Variants in STX3 observed in about 807,000 individuals in gnomAD.
The protein encoded by STX3 is syntaxin-3.
STX3 carries 19 observed loss-of-function variants against 40.2 expected under a neutral mutation model. The observed-to-expected ratio is 0.47, with a 90% CI of 0.33 to 0.69. The LOEUF (loss-of-function observed/expected upper bound fraction) is 0.69. Among genes scored for constraint, STX3 ranks in the 30% least tolerant of loss-of-function variants. The probability of loss-of-function intolerance (pLI) is 0.02; values close to 1 mark genes in which losing one functional copy is unlikely to be tolerated. For synonymous variants in STX3, 122 were observed against 132.2 expected, an observed-to-expected ratio of 0.92 and a Z score of 0.53; for missense variants, 364 against 366.7, an observed-to-expected ratio of 0.99 and a Z score of 0.06.
intron 10 of STX3, among the ~76,000 whole-genome samples, chr11:59,798,389 G>A (rs1465655881): frequency 1.3e-5 from 2 of 151,918 alleles, no homozygotes; most frequent in Non-Finnish European, 2.9e-5. Context: ...TGTATTATTA[G>A]TAGAGATGGG....
chr11:59,773,614 T>C (rs1590774149), intron 2 of STX3, among the ~76,000 whole-genome samples: 1 of 152,324 alleles, frequency 6.6e-6, no homozygotes, highest in South Asian at 2.1e-4. Context: ...GAATCAACCA[T>C]AGGATCACAA....
At chr11:59,789,286 TCC>T in intron 4 of STX3, 1 of 229,582 alleles carries the variant, frequency 4.4e-6, no homozygotes, top group Non-Finnish European at 8.7e-6. Context: ...TCTCACTCTG[TCC>T]CCCAGGCTGG....
intron 2 of STX3, among the ~76,000 whole-genome samples, chr11:59,780,163 T>G (rs1048004809): frequency 3.3e-5 from 5 of 151,956 alleles, no homozygotes; most frequent in African/African-American, 1.2e-4. Context: ...CTAAGGAGAG[T>G]GTTATGGACT....
In STX3 at chr11:59,793,448, G is replaced by T; in HGVS notation, c.609G>T (p.Arg203Ser). 2 of 1,614,202 alleles carry T rather than the reference G, an allele frequency of 1.2e-6. No homozygotes were observed. The highest frequency in any genetic ancestry group is 1.7e-6 in the Non-Finnish European group (2 of 1,180,034). ...EIEGRHKDIV[R>S]LESSIKELHD... ...AGGGACGACACAAGGACATTGTGAG[G>T]CTGGAGAGCAGCATCAAGGAGCTTC... Residue 203 changes from arginine to serine, a missense_variant, in exon 8 of 11, where the codon AGG becomes AGT. Coordinates refer to ENST00000337979, the MANE Select transcript of STX3 (RefSeq NM_004177.5).
chr11:59,795,580 C>T, intron 9 of STX3, 98 bp downstream of exon 9: 1 of 1,545,412 alleles, frequency 6.5e-7, no homozygotes, highest in Non-Finnish European at 8.7e-7. Flanking sequence ...CTGCTGCCAC[C>T]ACCTCTTGCA....
chr11:59,796,435 T>C (rs1865521935), intron 9 of STX3, among the ~76,000 whole-genome samples: 1 of 152,232 alleles, frequency 6.6e-6, no homozygotes, highest in Admixed American at 6.5e-5. Flanking sequence ...CTGATATTGT[T>C]GTTGTTTAGT....
rs760328298 is a variant in STX3, at chr11:59,799,899, C to G, written c.*31-956C>G. On this transcript the variant is annotated intron_variant, in intron 10 of 10. Coordinates refer to ENST00000337979, the MANE Select transcript of STX3 (RefSeq NM_004177.5). ...GTGAACTTTAAATTTTGGTTTGGCT[C>G]TGAACAATCTGATTGAAATAGATGT... The G allele has an allele frequency of 2.1e-4, 211 of 985,162 alleles. 1 individual carries two copies. Among genetic ancestry groups the G allele is most frequent in the Non-Finnish European group, 1.5e-4 (128 of 829,892 alleles). 61.0% of individuals were successfully genotyped at this position (985,162 alleles called of 1,614,324 possible). A position where few individuals can be genotyped will look rare whatever the true frequency, so the allele number is the denominator to read the frequency against.
At chr11:59,787,468 C>T (rs530545854) in intron 3 of STX3, among the ~76,000 whole-genome samples, 5 of 152,274 alleles carry the variant, frequency 3.3e-5, no homozygotes, top group African/African-American at 1.2e-4. Context: ...TACTATTTCC[C>T]CAGCCTGAAC....
chr11:59,793,608 G>C, intron 8 of STX3, 94 bp downstream of exon 8: 1 of 1,481,900 alleles, frequency 6.7e-7, no homozygotes, highest in Non-Finnish European at 9.0e-7. Context: ...AAGCCAGTGA[G>C]GTAGGGTGGG....
rs1199840915 is a variant in STX3, at chr11:59,803,228, T to C, written c.*2404T>C. ...TGTCTGGATGAGCAGAAGAAGATCATGATCATGATCTGCTGTATTATCCTT... is the reference window on the plus strand; with the variant it reads ...TGTCTGGATGAGCAGAAGAAGATCACGATCATGATCTGCTGTATTATCCTT... On this transcript the variant is annotated 3_prime_UTR_variant, in exon 11 of 11. Coordinates refer to ENST00000337979, the MANE Select transcript of STX3 (RefSeq NM_004177.5). 2.4e-6 allele frequency: 3 copies of C among 1,231,602 alleles called. No individual in the cohort carries two copies. Among genetic ancestry groups the C allele is most frequent in the African/African-American group, 3.1e-5 (2 of 64,412 alleles). The allele number at this position is 1,231,602 out of a possible 1,614,324, so 76.3% of individuals were successfully genotyped here. A position where few individuals can be genotyped will look rare whatever the true frequency, so the allele number is the denominator to read the frequency against.
At position 59,793,123 on chromosome 11, in the gene STX3, A is replaced by C. The variant is rs941202578; in HGVS notation, c.491A>C (p.Glu164Ala). The C allele has an allele frequency of 9.3e-6, 15 of 1,613,500 alleles. No homozygotes were observed. The African/African-American group carries it at 1.5e-4, about 16-fold the overall frequency. Residue 164 changes from glutamate (E) to alanine (A), a missense_variant, in exon 7 of 11, where the codon GAG (glutamate) becomes GCG (alanine). Transcript: ENST00000337979. ...EITGKKTTDE[E>A]LEEMLESGNP... Reference sequence around the variant, plus strand: ...GCTGGCAAAAAGACAACCGATGAGGAGCTGGAGGAGATGTTGGAGAGTGGC... The same window carrying C: ...GCTGGCAAAAAGACAACCGATGAGGCGCTGGAGGAGATGTTGGAGAGTGGC...
intron 10 of STX3, 88 bp downstream of exon 10, chr11:59,797,484 C>G: frequency 2.1e-6 from 2 of 966,548 alleles, no homozygotes; most frequent in Non-Finnish European, 3.2e-6. Flanking sequence ...TTCTTTCCCC[C>G]TATGATTGTC....
chr11:59,768,044 C>T (rs189932375), intron 1 of STX3, among the ~76,000 whole-genome samples: 3 of 152,310 alleles, frequency 2.0e-5, no homozygotes, highest in South Asian at 2.1e-4. Flanking sequence ...GTGTGCTCTA[C>T]ATTGCATAGG....
chr11:59,755,519 C>T lies in STX3; in HGVS notation c.-87C>T, dbSNP rs1862658110. 1 of 1,450,744 alleles carries T rather than the reference C, an allele frequency of 6.9e-7. No homozygotes were observed. Among genetic ancestry groups the T allele is most frequent in the Non-Finnish European group, 9.0e-7 (1 of 1,109,248 alleles). 89.9% of individuals were successfully genotyped at this position (1,450,744 alleles called of 1,614,324 possible). On this transcript the variant is annotated 5_prime_UTR_variant, in exon 1 of 11. Coordinates refer to ENST00000337979, the MANE Select transcript of STX3 (RefSeq NM_004177.5). ...CCTTCGCCCCGGCGGGCCCGGCCGC[C>T]GCTTCCGGCAGCTCACCTGGGAAGC...
At chr11:59,784,612 A>G (rs1864633320) in intron 2 of STX3, among the ~76,000 whole-genome samples, 2 of 152,230 alleles carry the variant, frequency 1.3e-5, no homozygotes, top group Admixed American at 1.3e-4. Flanking sequence ...GGCAGAGGTC[A>G]AGGAGGAGCA....
intron 8 of STX3, among the ~76,000 whole-genome samples, chr11:59,794,247 C>A (rs76607643): frequency 6.6e-6 from 1 of 152,164 alleles, no homozygotes; most frequent in Non-Finnish European, 1.5e-5. Flanking sequence ...CATGCTTGCT[C>A]GGGATAGAAT....
At chr11:59,760,429 TTTG>T (rs1276891228) in intron 1 of STX3, among the ~76,000 whole-genome samples, 1 of 151,854 alleles carries the variant, frequency 6.6e-6, no homozygotes, top group African/African-American at 2.4e-5. Flanking sequence ...TTTTTGTTTG[TTTG>T]TTTTGTTTTT....
chr11:59,798,577 T>C (rs1865673488), intron 10 of STX3, among the ~76,000 whole-genome samples: 1 of 151,778 alleles, frequency 6.6e-6, no homozygotes, highest in African/African-American at 2.4e-5. Context: ...TGGAGTGCAG[T>C]GGCGCGATCT....
rs750358696 is a variant in STX3 at position 59,805,189 on chromosome 11, A to AAAAAAAAAAAAACAAAC, written c.*4368_*4369insAAAAAAAAACAAACAAA. 1 of 149,510 alleles carries AAAAAAAAAAAAACAAAC rather than the reference A, an allele frequency of 6.7e-6. No homozygotes were observed. The highest frequency in any genetic ancestry group is 2.5e-5 in the African/African-American group (1 of 40,158). 9.3% of individuals were successfully genotyped at this position (149,510 alleles called of 1,614,324 possible). On this transcript the variant is annotated 3_prime_UTR_variant, in exon 11 of 11. Transcript: ENST00000337979. The stretch of plus-strand genomic sequence containing the variant: ...CTAAATTCCATCTAAAAAAAAAAAA[A>AAAAAAAAAAAAACAAAC]AAACAAAAAAAAAAAACTGTTCTTA...
Sources: allele counts gnomAD v4.1 joint callset (sites outside exome capture counted in the v4.1 genomes callset), GRCh38; gene constraint gnomAD v4.1.1; transcripts MANE v1.5; gene names NCBI Gene and HGNC (gene_info 2026-07-23, HGNC 2026-07-21).